TRAPPC9: variants seen among roughly 807,000 people sequenced by gnomAD.
The protein encoded by TRAPPC9 is IKK2 binding protein.
In TRAPPC9, 83 loss-of-function variants were observed where a neutral mutation model predicts 124.0. That is an observed-to-expected ratio of 0.67 (90% CI 0.56 to 0.80). The LOEUF (loss-of-function observed/expected upper bound fraction) is 0.80, where lower values mean the gene tolerates loss of function less well. Among genes scored for constraint, TRAPPC9 ranks in the 30% least tolerant of loss-of-function variants. TRAPPC9 has a pLI of 0.00. For synonymous variants in TRAPPC9, 638 were observed against 617.5 expected, an observed-to-expected ratio of 1.03 and a Z score of -0.49; for missense variants, 1,302 against 1,508.3, an observed-to-expected ratio of 0.86 and a Z score of 2.27.
chr8:139,817,209 A>G (rs1451495911), intron 21 of TRAPPC9, among the ~76,000 whole-genome samples: 1 of 152,144 alleles, frequency 6.6e-6, no homozygotes, highest in Non-Finnish European at 1.5e-5. Flanking sequence ...TCTGGAGTTA[A>G]GTCAATGAGG....
At chr8:140,180,344 T>C (rs1195665435) in intron 17 of TRAPPC9, among the ~76,000 whole-genome samples, 2 of 152,028 alleles carry the variant, frequency 1.3e-5, no homozygotes, top group Non-Finnish European at 2.9e-5. Flanking sequence ...TATATTTCCA[T>C]TTCTCCCTTC....
At chr8:140,341,753 A>AAGCACGG (rs1420994176) in intron 9 of TRAPPC9, among the ~76,000 whole-genome samples, 1 of 151,620 alleles carries the variant, frequency 6.6e-6, no homozygotes, top group African/African-American at 2.4e-5. Flanking sequence ...GGCTGGAGGG[A>AAGCACGG]AGCACGGAGC....
At chr8:139,871,944 A>G (rs1402065516) in intron 21 of TRAPPC9, among the ~76,000 whole-genome samples, 1 of 152,140 alleles carries the variant, frequency 6.6e-6, no homozygotes, top group African/African-American at 2.4e-5. Flanking sequence ...GAGTTGATGG[A>G]TGGGTAGATA....
rs546017109 is a variant in TRAPPC9 at position 140,180,750 on chromosome 8, G to A, written c.2556+40709C>T. 2.7e-5 allele frequency among the ~76,000 whole-genome samples: 4 copies of A among 148,890 alleles called. No individual in the cohort carries two copies. The South Asian group carries it at 8.5e-4, about 32-fold the overall frequency. ...CTTCCAGGAGCATTTTTTCCAACAAGAGGTCTACAATTATCATCAGTTTTG... is the reference window on the plus strand; with the variant it reads ...CTTCCAGGAGCATTTTTTCCAACAAAAGGTCTACAATTATCATCAGTTTTG... On this transcript the variant is annotated intron_variant, in intron 17 of 22. Coordinates refer to ENST00000438773, the MANE Select transcript of TRAPPC9 (RefSeq NM_001160372.4).
intron 7 of TRAPPC9, among the ~76,000 whole-genome samples, chr8:140,394,014 A>C (rs527309715): frequency 7.2e-5 from 11 of 152,282 alleles, no homozygotes; most frequent in Non-Finnish European, 1.2e-4. Context: ...GCTGACCTCT[A>C]GTGGTCCACA....
At chr8:139,820,966 A>G (rs752111624) in intron 21 of TRAPPC9, among the ~76,000 whole-genome samples, 45 of 152,264 alleles carry the variant, frequency 3.0e-4, no homozygotes, top group Admixed American at 4.6e-4. Context: ...CTAAGAAGAT[A>G]TACTGGATTG....
At chr8:140,283,383 CT>C (rs2065385449) in intron 14 of TRAPPC9, among the ~76,000 whole-genome samples, 1 of 147,704 alleles carries the variant, frequency 6.8e-6, no homozygotes, top group Non-Finnish European at 1.5e-5. Flanking sequence ...CAAGCTCCGC[CT>C]CCTGGGTTCA....
At chr8:140,375,155 C>G (rs1460495418) in intron 7 of TRAPPC9, among the ~76,000 whole-genome samples, 1 of 152,174 alleles carries the variant, frequency 6.6e-6, no homozygotes, top group East Asian at 1.9e-4. Context: ...CCTGGCAAAG[C>G]TAGGCCAAGA....
intron 21 of TRAPPC9, among the ~76,000 whole-genome samples, chr8:139,820,498 T>C (rs1451517830): frequency 6.6e-6 from 1 of 152,208 alleles, no homozygotes; most frequent in Non-Finnish European, 1.5e-5. Context: ...AAGAACTATT[T>C]CATTAAAAAA....
At chr8:139,971,980 C>A (rs1016068420) in intron 19 of TRAPPC9, among the ~76,000 whole-genome samples, 1 of 152,002 alleles carries the variant, frequency 6.6e-6, no homozygotes, top group Non-Finnish European at 1.5e-5. Flanking sequence ...CGCCACCATG[C>A]CCGCCTAAAT....
chr8:140,347,550 G>A (rs1327901701), intron 9 of TRAPPC9, among the ~76,000 whole-genome samples: 1 of 152,018 alleles, frequency 6.6e-6, no homozygotes, highest in African/African-American at 2.4e-5. Context: ...AAGTCATCCT[G>A]GGCCTCCCTG....
At chr8:140,054,842 G>A (rs1159699203) in intron 17 of TRAPPC9, among the ~76,000 whole-genome samples, 5 of 151,882 alleles carry the variant, frequency 3.3e-5, no homozygotes, top group African/African-American at 1.2e-4. Flanking sequence ...TACCAAGACT[G>A]AATCACAAAG....
chr8:140,028,350 C>A (rs1012109740), intron 17 of TRAPPC9, among the ~76,000 whole-genome samples: 2 of 152,124 alleles, frequency 1.3e-5, no homozygotes, highest in Admixed American at 6.6e-5. Flanking sequence ...ATTTTCTAGG[C>A]ACACAACTTA....
At chr8:139,735,022 C>T (rs1228149302) in intron 21 of TRAPPC9, among the ~76,000 whole-genome samples, 1 of 152,222 alleles carries the variant, frequency 6.6e-6, no homozygotes, top group East Asian at 1.9e-4. Flanking sequence ...GTCCTGAGGC[C>T]CTGCTCACTG....
At chr8:140,062,677 T>C (rs1686514825) in intron 17 of TRAPPC9, among the ~76,000 whole-genome samples, 1 of 152,114 alleles carries the variant, frequency 6.6e-6, no homozygotes, top group Non-Finnish European at 1.5e-5. Context: ...TTGTCTGCTC[T>C]CCTACTAGAA....
chr8:139,953,034 G>GT (rs1834742237), intron 19 of TRAPPC9, among the ~76,000 whole-genome samples: 1 of 152,232 alleles, frequency 6.6e-6, no homozygotes, highest in Non-Finnish European at 1.5e-5. Context: ...GCCACAGGAA[G>GT]TAAGAGGATG....
chr8:140,205,895 C>G (rs570924245), intron 17 of TRAPPC9, among the ~76,000 whole-genome samples: 3 of 152,230 alleles, frequency 2.0e-5, no homozygotes, highest in African/African-American at 7.2e-5. Context: ...TAGGAGAAGT[C>G]TCTGACAAGT....
chr8:140,426,414 A>G (rs1242375923), intron 5 of TRAPPC9, among the ~76,000 whole-genome samples: 1 of 152,246 alleles, frequency 6.6e-6, no homozygotes, highest in Admixed American at 6.5e-5. Context: ...CCTCTTCAAC[A>G]GACAACATAA....
chr8:139,856,905 C>T (rs1038495633), intron 21 of TRAPPC9, among the ~76,000 whole-genome samples: 2 of 152,196 alleles, frequency 1.3e-5, no homozygotes, highest in African/African-American at 4.8e-5. Flanking sequence ...CTCTAAGCTG[C>T]TGCTGTGAAC....
Sources: allele counts gnomAD v4.1 joint callset (sites outside exome capture counted in the v4.1 genomes callset), GRCh38; gene constraint gnomAD v4.1.1; transcripts MANE v1.5; gene names NCBI Gene and HGNC (gene_info 2026-07-23, HGNC 2026-07-21).